Variants in KLF13 observed in about 807,000 individuals in gnomAD.
KLF13 encodes the protein KLF transcription factor 13.
A neutral mutation model predicts 16.7 loss-of-function variants in KLF13; 8 were observed. That is an observed-to-expected ratio of 0.48 (90% CI 0.28 to 0.87). The LOEUF (loss-of-function observed/expected upper bound fraction) is 0.87, where lower values mean the gene tolerates loss of function less well. KLF13 is among the 40% of genes least tolerant of loss of function. The pLI is 0.10. For missense variants in KLF13, 447 were observed against 452.2 expected, an observed-to-expected ratio of 0.99 and a Z score of 0.10; for synonymous variants, 245 against 208.4, an observed-to-expected ratio of 1.18 and a Z score of -1.51.
intron 1 of KLF13, among the ~76,000 whole-genome samples, chr15:31,344,884 G>A (rs2039086864): frequency 6.6e-6 from 1 of 152,214 alleles, no homozygotes; most frequent in African/African-American, 2.4e-5. Flanking sequence ...GCCTGAGTGG[G>A]GAGGGAGGGG....
intron 1 of KLF13, among the ~76,000 whole-genome samples, chr15:31,419,543 G>C (rs2040296727): frequency 1.3e-5 from 2 of 152,040 alleles, no homozygotes; most frequent in South Asian, 2.1e-4. Flanking sequence ...TCGCTAGAAG[G>C]GTTCAATAGA....
intron 1 of KLF13, among the ~76,000 whole-genome samples, chr15:31,431,526 G>A (rs569207928): frequency 6.6e-5 from 10 of 152,104 alleles, no homozygotes; most frequent in Admixed American, 2.0e-4. Flanking sequence ...GTGCAGTGGC[G>A]TGCTCTCGGC....
rs912430122 is a variant in KLF13, at chr15:31,414,338, G to A, written n.117+20647G>A. ...CAGAAAAAACACAGGACATATGTAAGACAAAAATAAAATAGACATAAATCT... is the reference window on the plus strand; with the variant it reads ...CAGAAAAAACACAGGACATATGTAAAACAAAAATAAAATAGACATAAATCT... On this transcript the variant is annotated intron_variant and non_coding_transcript_variant, in intron 1 of 1. Transcript: ENST00000558225. Among the ~76,000 whole-genome samples the A allele has an allele frequency of 2.6e-5, 4 of 152,164 alleles. No individual in the cohort carries two copies. The East Asian group carries it at 5.8e-4, about 22-fold the overall frequency.
intron 1 of KLF13, among the ~76,000 whole-genome samples, chr15:31,340,268 C>G (rs1355509178): frequency 1.3e-5 from 2 of 152,272 alleles, no homozygotes; most frequent in Non-Finnish European, 2.9e-5. Flanking sequence ...TGTGCAGCAG[C>G]AGCTGTGGCA....
chr15:31,372,397 C>A lies in KLF13; in HGVS notation c.*98C>A. The stretch of plus-strand genomic sequence containing the variant: ...AAGAGAGAGAACTTGATGCAAAGTC[C>A]ACGAAAAAACAATTTTTTTCACCTC... On this transcript the variant is annotated 3_prime_UTR_variant, in exon 2 of 2. Transcript: ENST00000307145. 8.0e-7 allele frequency: 1 copy of A among 1,257,150 alleles called. No individual in the cohort carries two copies. The highest frequency in any genetic ancestry group is 1.0e-6 in the Non-Finnish European group (1 of 973,716). The allele number at this position is 1,257,150 out of a possible 1,614,324, so 77.9% of individuals were successfully genotyped here. A position where few individuals can be genotyped will look rare whatever the true frequency, so the allele number is the denominator to read the frequency against.
At chr15:31,336,157 G>A (rs1475767950) in intron 1 of KLF13, among the ~76,000 whole-genome samples, 1 of 152,250 alleles carries the variant, frequency 6.6e-6, no homozygotes, top group Non-Finnish European at 1.5e-5. Context: ...TCAGGGCCCT[G>A]GGTGGGGCCT....
chr15:31,385,619 A>C (rs904485950), intron 1 of KLF13, among the ~76,000 whole-genome samples: 4 of 152,218 alleles, frequency 2.6e-5, no homozygotes, highest in South Asian at 4.1e-4. Context: ...TTACTCTTGT[A>C]ATTGGAGTGC....
chr15:31,395,694 G>A (rs527515510), intron 2 of KLF13, among the ~76,000 whole-genome samples: 2 of 152,318 alleles, frequency 1.3e-5, no homozygotes, highest in African/African-American at 4.8e-5. Context: ...CGGATGTGAA[G>A]TGGTACCTTA....
downstream of KLF13, among the ~76,000 whole-genome samples, chr15:31,405,722 A>G (rs947061101): frequency 1.3e-5 from 2 of 152,190 alleles, no homozygotes; most frequent in African/African-American, 4.8e-5. Flanking sequence ...CAGCCTTCCC[A>G]GGAAGGGGAG....
chr15:31,409,206 A>T (rs9630424), downstream of KLF13, among the ~76,000 whole-genome samples: 27,722 of 151,850 alleles, frequency 0.18, 2,874 homozygotes, highest in East Asian at 0.31. Context: ...AATTTCTTGA[A>T]CCCAGGAGGC....
intron 1 of KLF13, among the ~76,000 whole-genome samples, chr15:31,367,348 A>G (rs1254117151): frequency 6.6e-6 from 1 of 152,184 alleles, no homozygotes; most frequent in Non-Finnish European, 1.5e-5. Context: ...CTGGGTCAGG[A>G]CCATGTCTCT....
intron 1 of KLF13, among the ~76,000 whole-genome samples, chr15:31,432,986 T>G (rs2040491170): frequency 1.3e-5 from 2 of 152,162 alleles, no homozygotes; most frequent in Admixed American, 1.3e-4. Context: ...TGGTGGCACA[T>G]GCCTGATTCC....
intron 1 of KLF13, among the ~76,000 whole-genome samples, chr15:31,414,403 A>C: frequency 6.6e-6 from 1 of 152,304 alleles, no homozygotes; most frequent in South Asian, 2.1e-4. Flanking sequence ...CGAATTAAAC[A>C]TTTCTCAAAA....
At chr15:31,360,748 G>A (rs561493501) in intron 1 of KLF13, among the ~76,000 whole-genome samples, 3 of 152,272 alleles carry the variant, frequency 2.0e-5, no homozygotes, top group South Asian at 2.1e-4. Flanking sequence ...AACCAAAGGC[G>A]TTTTTTAGGC....
chr15:31,374,427 G>A lies in KLF13; in HGVS notation c.*2128G>A, dbSNP rs898981826. ...CTGCTTGCATTGGGTCTGGGAGAGAGAGTGGAATATTTGGTAGGGACCTTG... is the reference window on the plus strand; with the variant it reads ...CTGCTTGCATTGGGTCTGGGAGAGAAAGTGGAATATTTGGTAGGGACCTTG... On this transcript the variant is annotated 3_prime_UTR_variant, in exon 2 of 2. Transcript: ENST00000307145. The A allele has an allele frequency of 6.6e-6, 1 of 152,590 alleles. No homozygotes were observed. Among genetic ancestry groups the A allele is most frequent in the Non-Finnish European group, 1.5e-5 (1 of 68,076 alleles). 9.5% of individuals were successfully genotyped at this position (152,590 alleles called of 1,614,324 possible).
Position 31,355,780 on chromosome 15 carries a change from A to G in KLF13, c.578-16230A>G, listed in dbSNP as rs201212254. ...CACGTGTTTCTTTCCCTTAGACTCA[A>G]TAGTTGCCATTTCTGCTTGGTTTTC... On this transcript the variant is annotated intron_variant, in intron 1 of 1. Coordinates refer to ENST00000307145, the MANE Select transcript of KLF13 (RefSeq NM_015995.4). Among the ~76,000 whole-genome samples the G allele has an allele frequency of 8.6e-5, 13 of 151,948 alleles. No homozygotes were observed. The East Asian group carries it at 2.1e-3, about 25-fold the overall frequency.
chr15:31,378,459 G>A (rs1421362693), downstream of KLF13, among the ~76,000 whole-genome samples: 3 of 152,192 alleles, frequency 2.0e-5, no homozygotes, highest in African/African-American at 7.2e-5. Flanking sequence ...AGCAGAGCCC[G>A]TTTAAGTCCC....
At chr15:31,364,161 T>A (rs2039428885) in intron 1 of KLF13, among the ~76,000 whole-genome samples, 1 of 151,992 alleles carries the variant, frequency 6.6e-6, no homozygotes, top group Admixed American at 6.6e-5. Flanking sequence ...GATTTTTTTC[T>A]GGCTATTACT....
At chr15:31,424,556 C>T (rs763709126) in intron 1 of KLF13, among the ~76,000 whole-genome samples, 1 of 151,978 alleles carries the variant, frequency 6.6e-6, no homozygotes, top group Non-Finnish European at 1.5e-5. Context: ...CAGAAAAAGC[C>T]TTAGAAAAAA....
Sources: gnomAD v4.1 joint callset for allele counts (sites outside exome capture counted in the v4.1 genomes callset) on GRCh38, gnomAD v4.1.1 for gene constraint, MANE v1.5 for transcripts, NCBI Gene and HGNC (gene_info 2026-07-23, HGNC 2026-07-21) for gene names.